Variants in PLXNC1 observed in about 807,000 individuals in gnomAD.
PLXNC1 encodes plexin-C1.
In PLXNC1, 75 loss-of-function variants were observed where a neutral mutation model predicts 178.2. The ratio of observed to expected loss-of-function variants is 0.42; its 90% CI spans 0.35 to 0.51. The LOEUF (loss-of-function observed/expected upper bound fraction) is 0.51. PLXNC1 is among the 20% of genes least tolerant of loss of function. The pLI is 0.02. For missense variants in PLXNC1, 1,503 were observed against 1,984.4 expected (o/e 0.76, Z 4.61); for synonymous variants, 790 against 779.9 (o/e 1.01, Z -0.22).
chr12:94,173,790 A>T (rs938037416), intron 2 of PLXNC1, among the ~76,000 whole-genome samples: 1 of 152,202 alleles, frequency 6.6e-6, no homozygotes, highest in Non-Finnish European at 1.5e-5. Context: ...TTGAGGTTTC[A>T]TAAGAAGGGG....
At chr12:94,184,410 G>A (rs1479098045) in intron 3 of PLXNC1, among the ~76,000 whole-genome samples, 2 of 151,590 alleles carry the variant, frequency 1.3e-5, no homozygotes, top group East Asian at 3.9e-4. Context: ...ATAGGCGTGA[G>A]CCACCTCGCC....
At chr12:94,305,097 C>T in intron 30 of PLXNC1, 84 bp from the exon 31 acceptor site, 4 of 764,026 alleles carry the variant, frequency 5.2e-6, no homozygotes, top group Non-Finnish European at 8.9e-6. Flanking sequence ...ACAGATTTTA[C>T]CACTCACAGC....
intron 1 of PLXNC1, among the ~76,000 whole-genome samples, chr12:94,151,387 T>C (rs990263759): frequency 5.9e-5 from 9 of 152,184 alleles, no homozygotes; most frequent in Admixed American, 5.9e-4. Flanking sequence ...CTTCTTTGCC[T>C]GTCAAGCTGT....
chr12:94,217,895 C>T (rs1963689633), intron 5 of PLXNC1, among the ~76,000 whole-genome samples: 2 of 152,100 alleles, frequency 1.3e-5, no homozygotes, highest in Non-Finnish European at 1.5e-5. Context: ...GCACTTGGCA[C>T]ATGTTGCAAG....
chr12:94,274,613 G>T (rs527771623), intron 21 of PLXNC1, among the ~76,000 whole-genome samples: 1 of 152,314 alleles, frequency 6.6e-6, no homozygotes, highest in South Asian at 2.1e-4. Flanking sequence ...TCTGGGGAAG[G>T]GACCAGTGTA....
chr12:94,232,612 G>T (rs1425778367), intron 9 of PLXNC1, among the ~76,000 whole-genome samples: 1 of 152,160 alleles, frequency 6.6e-6, no homozygotes, highest in East Asian at 1.9e-4. Flanking sequence ...TGCTAGACAG[G>T]CAGGCAAAGT....
chr12:94,149,174 T>A lies in PLXNC1; in HGVS notation c.203T>A (p.Leu68Gln). 2 of 1,590,632 alleles carry A rather than the reference T, an allele frequency of 1.3e-6. No homozygotes were observed. Among genetic ancestry groups the A allele is most frequent in the Non-Finnish European group, 1.7e-6 (2 of 1,172,546 alleles). The change falls in exon 1 of 31, where the codon CTG becomes CAG. Residue 68 changes from leucine to glutamine, a missense_variant. Coordinates refer to ENST00000258526, the MANE Select transcript of PLXNC1 (RefSeq NM_005761.3). ...GCGAGCGGCAGCTGCCTGGACCAGC[T>A]GGACTACAGCCTGGAGCACAGCCTC... is the stretch of plus-strand genomic sequence containing the variant. ...FVASGSCLDQ[L>Q]DYSLEHSLSR...
intron 4 of PLXNC1, among the ~76,000 whole-genome samples, chr12:94,201,748 C>CTTTTTTTTTTTTTTTTTTT (rs10529488): frequency 1.8e-5 from 1 of 54,422 alleles, no homozygotes; most frequent in African/African-American, 7.3e-5. Flanking sequence ...CTTCCCACTA[C>CTTTTTTTTTTTTTTTTTTT]TTTTTTTTTT....
chr12:94,182,619 G>A (rs1962351462), intron 3 of PLXNC1, among the ~76,000 whole-genome samples: 1 of 151,432 alleles, frequency 6.6e-6, no homozygotes, highest in Non-Finnish European at 1.5e-5. Flanking sequence ...CAGCTACTTG[G>A]GAGGCTGAAG....
At chr12:94,267,751 A>C (rs562119210) in intron 21 of PLXNC1, among the ~76,000 whole-genome samples, 1 of 152,232 alleles carries the variant, frequency 6.6e-6, no homozygotes, top group Non-Finnish European at 1.5e-5. Context: ...CAGAAGGTCA[A>C]TATAAAAAAT....
At chr12:94,269,649 A>G (rs924704964) in intron 21 of PLXNC1, among the ~76,000 whole-genome samples, 1 of 152,238 alleles carries the variant, frequency 6.6e-6, no homozygotes, top group Non-Finnish European at 1.5e-5. Flanking sequence ...TCCATTGTTC[A>G]TTAAATCCTG....
chr12:94,226,640 G>A lies in PLXNC1; in HGVS notation c.1826G>A (p.Cys609Tyr), dbSNP rs950561203. ...PACVETGCAW[C>Y]KSARRCIHPF... ...TGCGTAGAAACTGGCTGCGCGTGGT[G>A]TAAAAGTGCAAGAAGGTGTATCCAC... The change falls in exon 8 of 31, where the codon TGT (cysteine) becomes TAT (tyrosine). Residue 609 changes from cysteine (C) to tyrosine (Y), a missense_variant. By Grantham distance (194) the Cys-to-Tyr change is radical (BLOSUM62 -2). Transcript: ENST00000258526. 1 of 1,613,904 alleles carries A rather than the reference G, an allele frequency of 6.2e-7. No individual in the cohort carries two copies. The highest frequency in any genetic ancestry group is 2.2e-5 in the East Asian group (1 of 44,880).
Position 94,305,379 on chromosome 12 carries a change from T to C in PLXNC1, c.*94T>C. The C allele has an allele frequency of 1.4e-6, 1 of 716,770 alleles. No homozygotes were observed. The highest frequency in any genetic ancestry group is 2.4e-6 in the Non-Finnish European group (1 of 414,090). The allele number at this position is 716,770 out of a possible 1,614,324, so 44.4% of individuals were successfully genotyped here. On this transcript the variant is annotated 3_prime_UTR_variant, in exon 31 of 31. Transcript: ENST00000258526. ...CTACTCTGTGTCGTTAATTTGTTGTTTGCACATAGGTTCCACTTTGGGCAC... is the reference window on the plus strand; with the variant it reads ...CTACTCTGTGTCGTTAATTTGTTGTCTGCACATAGGTTCCACTTTGGGCAC...
At chr12:94,158,834 G>A (rs1351298831) in intron 1 of PLXNC1, among the ~76,000 whole-genome samples, 1 of 152,152 alleles carries the variant, frequency 6.6e-6, no homozygotes, top group Admixed American at 6.5e-5. Flanking sequence ...TGGGAACATG[G>A]GAGGAAGCAG....
At chr12:94,182,582 G>T (rs975778309) in intron 3 of PLXNC1, among the ~76,000 whole-genome samples, 5 of 151,818 alleles carry the variant, frequency 3.3e-5, no homozygotes, top group Non-Finnish European at 5.9e-5. Flanking sequence ...ACAATTAGCT[G>T]GGCGTGGTGG....
At chr12:94,201,794 A>G (rs1565807279) in intron 4 of PLXNC1, among the ~76,000 whole-genome samples, 1 of 101,582 alleles carries the variant, frequency 9.8e-6, no homozygotes, top group Non-Finnish European at 1.8e-5. Flanking sequence ...TTTGAGACAG[A>G]GTCTTGCTCT....
intron 21 of PLXNC1, among the ~76,000 whole-genome samples, chr12:94,266,807 C>T (rs1050234383): frequency 6.6e-6 from 1 of 152,210 alleles, no homozygotes; most frequent in African/African-American, 2.4e-5. Flanking sequence ...AGAACATTGC[C>T]AGGCATGTGA....
intron 4 of PLXNC1, among the ~76,000 whole-genome samples, chr12:94,196,439 C>G (rs1962916442): frequency 6.6e-6 from 1 of 152,178 alleles, no homozygotes; most frequent in Non-Finnish European, 1.5e-5. Flanking sequence ...CACCTGTTCT[C>G]CCTTCGCTTC....
chr12:94,212,273 C>CAAAAA (rs146191533), intron 5 of PLXNC1, among the ~76,000 whole-genome samples: 10 of 89,134 alleles, frequency 1.1e-4, no homozygotes, highest in East Asian at 3.3e-4. Flanking sequence ...GACTCCGTCT[C>CAAAAA]AAAAAAAAAA....
Sources: gnomAD v4.1 joint callset for allele counts (sites outside exome capture counted in the v4.1 genomes callset) on GRCh38, gnomAD v4.1.1 for gene constraint, MANE v1.5 for transcripts, NCBI Gene and HGNC (gene_info 2026-07-23, HGNC 2026-07-21) for gene names.